The following ECPAS variants were observed in gnomAD, a reference collection of about 807,000 sequenced individuals.
ECPAS encodes the protein proteasome adapter and scaffold protein ECM29.
A neutral mutation model predicts 255.1 loss-of-function variants in ECPAS; 70 were observed. The observed-to-expected ratio is 0.27, with a 90% CI of 0.23 to 0.33. ECPAS has a LOEUF of 0.33. Ranked by LOEUF, ECPAS falls within the 10% of genes least tolerant of loss-of-function variation. The probability of loss-of-function intolerance (pLI) is 1.00; values close to 1 mark genes in which losing one functional copy is unlikely to be tolerated. For missense variants in ECPAS, 1,817 were observed against 2,206.4 expected, an observed-to-expected ratio of 0.82 and a Z score of 3.54; for synonymous variants, 784 against 775.0, an observed-to-expected ratio of 1.01 and a Z score of -0.19.
chr9:111,392,901 AG>A lies in ECPAS; in HGVS notation c.2978-20del. The A allele has an allele frequency of 6.4e-7, 1 of 1,560,404 alleles. No homozygotes were observed. The highest frequency in any genetic ancestry group is 8.7e-7 in the Non-Finnish European group (1 of 1,148,914). On this transcript the variant is annotated intron_variant, in intron 27 of 49. Transcript: ENST00000684092. ...CTAAGTTCTACAAGAAAGTCAGACA[AG>A]ATTGTATCACTTTAAAAAAAATTTT...
intron 13 of ECPAS, among the ~76,000 whole-genome samples, 172 bp downstream of exon 13, chr9:111,423,027 A>C (rs902779494): frequency 1.3e-5 from 2 of 152,346 alleles, no homozygotes; most frequent in East Asian, 3.9e-4. Context: ...GTAAATTAAA[A>C]TGTCTCACAT....
At chr9:111,449,218 A>G (rs577584360) in intron 3 of ECPAS, among the ~76,000 whole-genome samples, 9 of 152,298 alleles carry the variant, frequency 5.9e-5, no homozygotes, top group African/African-American at 1.9e-4. Flanking sequence ...ATCTAAAAAA[A>G]GAAATAATTT....
rs982083581 is a variant in ECPAS at position 111,360,973 on chromosome 9, A to G, written c.*1057T>C. On this transcript the variant is annotated 3_prime_UTR_variant, in exon 50 of 50. Transcript: ENST00000684092. ...ACTTTCAGGCAGGGGCATGGGCAACAGAAGGAAGGAGGAAAACCCCTAGTG... is the reference window on the plus strand; with the variant it reads ...ACTTTCAGGCAGGGGCATGGGCAACGGAAGGAAGGAGGAAAACCCCTAGTG... 1 of 152,256 alleles carries G rather than the reference A, an allele frequency of 6.6e-6. No homozygotes were observed. The highest frequency in any genetic ancestry group is 2.4e-5 in the African/African-American group (1 of 41,472). 9.4% of individuals were successfully genotyped at this position (152,256 alleles called of 1,614,324 possible). A position where few individuals can be genotyped will look rare whatever the true frequency, so the allele number is the denominator to read the frequency against.
In ECPAS at chr9:111,425,535, T is replaced by A. The variant is rs2098220289; in HGVS notation, c.1137-39A>T. 2.9e-6 allele frequency: 4 copies of A among 1,362,964 alleles called. No individual in the cohort carries two copies. The Admixed American group carries it at 9.2e-5, about 31-fold the overall frequency. 84.4% of individuals were successfully genotyped at this position (1,362,964 alleles called of 1,614,324 possible). A position where few individuals can be genotyped will look rare whatever the true frequency, so the allele number is the denominator to read the frequency against. ...ACACATACACAAAGCAAGATAAGAA[T>A]CTCATGACTACATATCTTTACGGAT... On this transcript the variant is annotated intron_variant, in intron 11 of 49. Transcript: ENST00000684092.
intron 8 of ECPAS, among the ~76,000 whole-genome samples, chr9:111,431,369 C>A (rs1412571765): frequency 6.6e-6 from 1 of 151,994 alleles, no homozygotes; most frequent in African/African-American, 2.4e-5. Context: ...GCCAGCCTGG[C>A]CAGCATGGCG....
intron 1 of ECPAS, among the ~76,000 whole-genome samples, chr9:111,478,714 A>T (rs114646124): frequency 6.6e-6 from 1 of 152,194 alleles, no homozygotes; most frequent in African/African-American, 2.4e-5. Context: ...ATAGAAATGC[A>T]GTTTTACCAG....
chr9:111,363,181 T>C (rs930666410), intron 49 of ECPAS, among the ~76,000 whole-genome samples: 2 of 101,442 alleles, frequency 2.0e-5, no homozygotes, highest in African/African-American at 3.9e-5. Context: ...ATTAAGAAAA[T>C]TGCTACTGTC....
intron 29 of ECPAS, among the ~76,000 whole-genome samples, chr9:111,390,928 C>T (rs77155602): frequency 0.21 from 31,370 of 152,244 alleles, 3,383 homozygotes; most frequent in East Asian, 0.33. Context: ...TTCTGCAGGA[C>T]TCAGCTGCCT....
chr9:111,370,776 G>A lies in ECPAS; in HGVS notation c.4738-11C>T, dbSNP rs1375127994. On this transcript the variant is annotated splice_polypyrimidine_tract_variant and intron_variant, in intron 43 of 49. Coordinates refer to ENST00000684092, the MANE Select transcript of ECPAS (RefSeq NM_001364929.1). ...TTTCAATAGCTCCTCCTAAGGGGTT[G>A]AAAGATGAGGAAATACTATTAAGCC... 6.3e-7 allele frequency: 1 copy of A among 1,592,406 alleles called. No individual in the cohort carries two copies. Among genetic ancestry groups the A allele is most frequent in the South Asian group, 1.1e-5 (1 of 87,610 alleles).
At chr9:111,414,723 T>C (rs2098200489) in intron 18 of ECPAS, 72 bp from the exon 19 acceptor site, 3 of 1,300,296 alleles carry the variant, frequency 2.3e-6, no homozygotes, top group African/African-American at 1.5e-5. Context: ...CTCTTCAAAG[T>C]AACAATTTCT....
intron 31 of ECPAS, among the ~76,000 whole-genome samples, chr9:111,387,759 C>CATCA (rs2098152141): frequency 6.7e-6 from 1 of 148,872 alleles, no homozygotes; most frequent in African/African-American, 2.6e-5. Context: ...TCTCACTCAT[C>CATCA]GTCAGTGCAG....
At chr9:111,376,608 A>G (rs2098133610) in intron 36 of ECPAS, 67 bp from the exon 37 acceptor site, 1 of 1,180,748 alleles carries the variant, frequency 8.5e-7, no homozygotes, top group Admixed American at 2.0e-5. Context: ...ACAAACACCC[A>G]TAAAAGACTT....
rs1034735035 is a variant in ECPAS at position 111,403,810 on chromosome 9, T to A, written c.2652+4761A>T. 6.0e-5 allele frequency among the ~76,000 whole-genome samples: 9 copies of A among 149,862 alleles called. 2 individuals carry two copies. The highest frequency in any genetic ancestry group is 2.3e-4 in the African/African-American group (9 of 39,520). On this transcript the variant is annotated intron_variant, in intron 24 of 49. Coordinates refer to ENST00000684092, the MANE Select transcript of ECPAS (RefSeq NM_001364929.1). Reference sequence around the variant, plus strand: ...CATCCAACTGCTATAGAATACACGTTTTCTCATCAGCACATGGAACATTTT... The same window carrying A: ...CATCCAACTGCTATAGAATACACGTATTCTCATCAGCACATGGAACATTTT...
At position 111,440,498 on chromosome 9, in the gene ECPAS, G is replaced by A; in HGVS notation, c.413C>T (p.Thr138Ile). 6.2e-7 allele frequency: 1 copy of A among 1,608,904 alleles called. No individual in the cohort carries two copies. Among genetic ancestry groups the A allele is most frequent in the Non-Finnish European group, 8.5e-7 (1 of 1,176,810 alleles). ...AACAGGGTATTTCATGTGAAAAAGG[G>A]TTGGTATTAAAAGATGCATTAAGCT... ...QDSLMHLLIPTLFHMKYPVES... is the reference protein window; with the variant it reads ...QDSLMHLLIPILFHMKYPVES... Residue 138 changes from threonine to isoleucine, a missense_variant, in exon 6 of 50, where the codon ACC becomes ATC. Around this residue, in one of 4 missense-constraint regions of ECPAS, gnomAD observed 573 missense variants for 716.2 expected, o/e 0.80. Coordinates refer to ENST00000684092, the MANE Select transcript of ECPAS (RefSeq NM_001364929.1).
chr9:111,392,788 T>A lies in ECPAS; in HGVS notation c.3072A>T (p.Glu1024Asp). The A allele has an allele frequency of 6.2e-7, 1 of 1,613,112 alleles. No individual in the cohort carries two copies. The highest frequency in any genetic ancestry group is 8.5e-7 in the Non-Finnish European group (1 of 1,179,452). The change falls in exon 28 of 50, where the codon GAA becomes GAT. Residue 1024 changes from glutamate (E) to aspartate (D), a missense_variant. Physicochemically the swap from Glu to Asp is conservative, Grantham distance 45 (BLOSUM62 2). This residue lies in a region of ECPAS where 960 missense variants were observed against 1,179.0 expected (regional missense o/e 0.81). Coordinates refer to ENST00000684092, the MANE Select transcript of ECPAS (RefSeq NM_001364929.1). ...CATACCTTTTGCCAGTCATAAGTGT[T>A]TCCACAAGTGTAGAAACCAATTCCT... The part of the protein sequence containing the change: ...DQQELVSTLV[E>D]TLMTGKRVKH...
intron 24 of ECPAS, among the ~76,000 whole-genome samples, chr9:111,407,428 A>AAAAAAAAAAGAAAAAG (rs2098186450): frequency 1.0e-5 from 1 of 98,726 alleles, no homozygotes; most frequent in Non-Finnish European, 2.6e-5. Flanking sequence ...AAAAAAAAAA[A>AAAAAAAAAAGAAAAAG]AAAAAAAAAA....
chr9:111,419,857 G>T, intron 16 of ECPAS, among the ~76,000 whole-genome samples, 160 bp downstream of exon 16: 1 of 149,774 alleles, frequency 6.7e-6, no homozygotes. Context: ...TAAATATATA[G>T]GTATATGAGT....
intron 23 of ECPAS, among the ~76,000 whole-genome samples, chr9:111,409,065 A>G (rs1003165337): frequency 3.3e-5 from 5 of 152,292 alleles, no homozygotes; most frequent in African/African-American, 9.6e-5. Flanking sequence ...TCCTCATGTT[A>G]TCTCACATAG....
chr9:111,474,575 C>T (rs1377077771), intron 1 of ECPAS, among the ~76,000 whole-genome samples: 1 of 152,198 alleles, frequency 6.6e-6, no homozygotes, highest in Non-Finnish European at 1.5e-5. Context: ...AACAGACCTA[C>T]TCATGTTACG....
Sources: allele counts gnomAD v4.1 joint callset (sites outside exome capture counted in the v4.1 genomes callset), GRCh38; gene constraint gnomAD v4.1.1; regional missense constraint gnomAD v4.1.1; transcripts MANE v1.5; gene names NCBI Gene and HGNC (gene_info 2026-07-23, HGNC 2026-07-21).